Variants in SFMBT1 observed in about 807,000 individuals in gnomAD.
SFMBT1 encodes Scm like with four mbt domains 1, also known as scm-like with four MBT domains protein 1.
Under a neutral mutation model 108.7 loss-of-function variants are expected in SFMBT1, and 32 were observed. The ratio of observed to expected loss-of-function variants is 0.29; its 90% confidence interval spans 0.22 to 0.40. The LOEUF (loss-of-function observed/expected upper bound fraction) is 0.40. Ranked by LOEUF, SFMBT1 falls within the 10% of genes least tolerant of loss-of-function variation. The probability of loss-of-function intolerance (pLI) is 1.00; values close to 1 mark genes in which losing one functional copy is unlikely to be tolerated. For synonymous variants in SFMBT1, 348 were observed against 369.5 expected, an observed-to-expected ratio of 0.94 and a Z score of 0.67; for missense variants, 816 against 1,059.6, an observed-to-expected ratio of 0.77 and a Z score of 3.19.
At chr3:52,906,335 T>A in intron 19 of SFMBT1, 94 bp from the exon 20 acceptor site, 1 of 1,583,652 alleles carries the variant, frequency 6.3e-7, no homozygotes, top group African/African-American at 1.3e-5. Context: ...TTTCAAGACA[T>A]GATTTAAAGT....
At chr3:52,977,186 A>G (rs1363796889) in intron 1 of SFMBT1, among the ~76,000 whole-genome samples, 1 of 152,060 alleles carries the variant, frequency 6.6e-6, no homozygotes, top group Admixed American at 6.5e-5. Context: ...AGCAAGAACC[A>G]AAATGTTTGC....
chr3:53,045,531 G>A (rs1340936896), intron 1 of SFMBT1, among the ~76,000 whole-genome samples: 1 of 142,196 alleles, frequency 7.0e-6, no homozygotes, highest in East Asian at 2.1e-4. Context: ...TCTCCGCCGC[G>A]GCGAGGCGCC....
intron 4 of SFMBT1, 60 bp from the exon 5 acceptor site, chr3:52,934,961 C>A (rs918142531): frequency 2.2e-6 from 3 of 1,355,494 alleles, no homozygotes; most frequent in African/African-American, 2.9e-5. Context: ...GCAGAGAAAC[C>A]GAAATCAGTG....
intron 5 of SFMBT1, 83 bp from the exon 6 acceptor site, chr3:52,932,391 C>T: frequency 7.1e-7 from 1 of 1,406,546 alleles, no homozygotes; most frequent in Non-Finnish European, 9.6e-7. Flanking sequence ...TGATCTCAAA[C>T]CAGCCTTTGT....
chr3:52,972,411 T>C (rs1704375673), intron 1 of SFMBT1, among the ~76,000 whole-genome samples: 4 of 152,200 alleles, frequency 2.6e-5, no homozygotes, highest in Admixed American at 2.6e-4. Context: ...GAACATCTGT[T>C]CACGCTCTCT....
chr3:52,920,510 T>C (rs1702488372), intron 12 of SFMBT1, 27 bp downstream of exon 12: 1 of 1,527,678 alleles, frequency 6.5e-7, no homozygotes. Flanking sequence ...TAACAATCAA[T>C]CCTCTAACCC....
At chr3:53,025,092 C>G (rs1037639802) in intron 1 of SFMBT1, among the ~76,000 whole-genome samples, 1 of 151,920 alleles carries the variant, frequency 6.6e-6, no homozygotes, top group African/African-American at 2.4e-5. Flanking sequence ...ATGTAAGTAC[C>G]TATTAATCCA....
chr3:52,989,088 ATTTCT>A (rs1409324841), intron 1 of SFMBT1, among the ~76,000 whole-genome samples: 1 of 129,358 alleles, frequency 7.7e-6, no homozygotes, highest in Non-Finnish European at 1.8e-5. Flanking sequence ...CCTCTTCCTG[ATTTCT>A]TTTCTCCACT....
At position 53,001,925 on chromosome 3, in the gene SFMBT1, TCACACACACACACACACACACACA is replaced by T. The variant is rs59572829; in HGVS notation, c.-130-32691_-130-32668del. On this transcript the variant is annotated intron_variant, in intron 1 of 20. Coordinates refer to ENST00000394752, the MANE Select transcript of SFMBT1 (RefSeq NM_016329.4). ...GGGCAACAGAGCAAGACCCAGTCTC[TCACACACACACACACACACACACA>T]CACACACACACACACACACACACAT... Among the ~76,000 whole-genome samples the T allele has an allele frequency of 2.7e-4, 35 of 129,232 alleles. 3 individuals are homozygous for T. The South Asian group carries it at 8.3e-3, about 31-fold the overall frequency. 84.8% of individuals were successfully genotyped at this position (129,232 alleles called of 152,430 possible).
chr3:52,931,880 A>G (rs1433345877), intron 6 of SFMBT1, among the ~76,000 whole-genome samples, 182 bp downstream of exon 6: 1 of 152,134 alleles, frequency 6.6e-6, no homozygotes, highest in Non-Finnish European at 1.5e-5. Context: ...AAAGCAGAAC[A>G]ACAACAAAAA....
At chr3:53,001,255 G>A (rs1698538030) in intron 1 of SFMBT1, among the ~76,000 whole-genome samples, 1 of 150,106 alleles carries the variant, frequency 6.7e-6, no homozygotes, top group Non-Finnish European at 1.5e-5. Context: ...GTGAGACCCT[G>A]TCTCTTAAAA....
At chr3:52,982,300 G>C (rs1396982016) in intron 1 of SFMBT1, among the ~76,000 whole-genome samples, 1 of 152,190 alleles carries the variant, frequency 6.6e-6, no homozygotes, top group Non-Finnish European at 1.5e-5. Flanking sequence ...CATCAAGCCT[G>C]AAACAATAGA....
chr3:52,943,730 T>G (rs1703269123), intron 3 of SFMBT1, 137 bp from the exon 4 acceptor site: 2 of 1,151,010 alleles, frequency 1.7e-6, no homozygotes. Context: ...GAAATTCCAA[T>G]TCTAACTTAC....
chr3:53,027,213 A>G (rs981299478), intron 1 of SFMBT1, among the ~76,000 whole-genome samples: 2 of 152,222 alleles, frequency 1.3e-5, no homozygotes, highest in Non-Finnish European at 2.9e-5. Context: ...AAGTATTCAC[A>G]AATCACTAAC....
chr3:53,010,607 T>C (rs1199292410), intron 1 of SFMBT1, among the ~76,000 whole-genome samples: 1 of 152,202 alleles, frequency 6.6e-6, no homozygotes, highest in Non-Finnish European at 1.5e-5. Flanking sequence ...CAAAGTAAGA[T>C]GACATTCACT....
intron 1 of SFMBT1, among the ~76,000 whole-genome samples, chr3:53,000,976 CTG>C (rs1698528403): frequency 6.7e-6 from 1 of 150,106 alleles, no homozygotes; most frequent in African/African-American, 2.4e-5. Flanking sequence ...ACCGCATTGG[CTG>C]TGAGTTTATT....
chr3:52,984,235 C>T (rs1704824059), intron 1 of SFMBT1, among the ~76,000 whole-genome samples: 1 of 152,140 alleles, frequency 6.6e-6, no homozygotes, highest in Non-Finnish European at 1.5e-5. Context: ...ACTTCCCTCA[C>T]CACTAAAGGT....
At chr3:52,908,022 A>T (rs1218846872) in intron 17 of SFMBT1, among the ~76,000 whole-genome samples, 1 of 151,022 alleles carries the variant, frequency 6.6e-6, no homozygotes, top group Non-Finnish European at 1.5e-5. Flanking sequence ...ATCACTATAG[A>T]TTAGCTTTGC....
At chr3:53,034,494 T>A (rs1028611632) in intron 1 of SFMBT1, among the ~76,000 whole-genome samples, 2 of 151,548 alleles carry the variant, frequency 1.3e-5, no homozygotes, top group Admixed American at 6.6e-5. Flanking sequence ...GGCAGGAGAA[T>A]CACTTGAACC....
Sources: gnomAD v4.1 joint callset for allele counts (sites outside exome capture counted in the v4.1 genomes callset) on GRCh38, gnomAD v4.1.1 for gene constraint, MANE v1.5 for transcripts, NCBI Gene and HGNC (gene_info 2026-07-23, HGNC 2026-07-21) for gene names.